The following SDK2 variants were observed in gnomAD, a reference collection of about 807,000 sequenced individuals.
SDK2 encodes the protein protein sidekick-2.
SDK2 carries 105 observed loss-of-function variants against 253.9 expected under a neutral mutation model. The ratio of observed to expected loss-of-function variants is 0.41; its 90% CI spans 0.35 to 0.49. SDK2 has a LOEUF of 0.49. Ranked by LOEUF, SDK2 falls within the 20% of genes least tolerant of loss-of-function variation. The pLI is 0.06. For synonymous variants in SDK2, 1,249 were observed against 1,234.9 expected, an observed-to-expected ratio of 1.01 and a Z score of -0.24; for missense variants, 2,608 against 3,003.0, an observed-to-expected ratio of 0.87 and a Z score of 3.07.
intron 1 of SDK2, among the ~76,000 whole-genome samples, 192 bp from the exon 2 acceptor site, chr17:73,507,789 G>A (rs991067931): frequency 1.3e-5 from 2 of 152,140 alleles, no homozygotes; most frequent in African/African-American, 4.8e-5. Flanking sequence ...GGGAGTCACC[G>A]ACATCTGCCA....
chr17:73,419,020 C>A (rs8072292), intron 16 of SDK2, 146 bp downstream of exon 16: 1 of 846,350 alleles, frequency 1.2e-6, no homozygotes, highest in East Asian at 2.7e-5. Context: ...TCCTTCCTAC[C>A]ACTGAGTAGG....
At chr17:73,375,015 C>T (rs114605774) in intron 36 of SDK2, among the ~76,000 whole-genome samples, 1 of 152,220 alleles carries the variant, frequency 6.6e-6, no homozygotes, top group African/African-American at 2.4e-5. Flanking sequence ...CCCCGAAGGA[C>T]CCCAGGTGCT....
intron 40 of SDK2, among the ~76,000 whole-genome samples, chr17:73,355,170 A>G (rs111979464): frequency 6.0e-4 from 16 of 26,742 alleles, no homozygotes; most frequent in African/African-American, 2.7e-3. Flanking sequence ...ATATATATAT[A>G]TATATTTTTT....
chr17:73,509,178 C>T (rs946673955), intron 1 of SDK2, among the ~76,000 whole-genome samples: 1 of 152,194 alleles, frequency 6.6e-6, no homozygotes, highest in African/African-American at 2.4e-5. Flanking sequence ...CAGCGGCGTG[C>T]GGTGGACAAG....
intron 33 of SDK2, among the ~76,000 whole-genome samples, chr17:73,382,531 C>A (rs1037173781): frequency 6.6e-6 from 1 of 152,188 alleles, no homozygotes; most frequent in Non-Finnish European, 1.5e-5. Context: ...TTTTTTCTTT[C>A]GTTATGTACC....
chr17:73,469,177 T>C (rs2063626373), intron 3 of SDK2, among the ~76,000 whole-genome samples: 3 of 152,164 alleles, frequency 2.0e-5, no homozygotes, highest in Non-Finnish European at 4.4e-5. Flanking sequence ...GCCCCCAGCC[T>C]GCCAACACTG....
chr17:73,515,377 C>G (rs2064017408), intron 1 of SDK2, among the ~76,000 whole-genome samples: 1 of 152,210 alleles, frequency 6.6e-6, no homozygotes, highest in African/African-American at 2.4e-5. Context: ...AAGCAAAGGT[C>G]ACGCAGCATT....
chr17:73,447,999 G>A lies in SDK2; in HGVS notation c.480-251C>T, dbSNP rs1212811536. On this transcript the variant is annotated intron_variant, in intron 4 of 44. Transcript: ENST00000392650. The surrounding 1 kb of genome is among the most constrained non-coding windows in gnomAD (Gnocchi z 4.0). ...GACAGCACGTTCATGCCCAGACGCC[G>A]AGGCCACCCAAAGGAAGCTTCCCTG... Among the ~76,000 whole-genome samples, 11 of 152,028 alleles carry A rather than the reference G, an allele frequency of 7.2e-5. No individual in the cohort carries two copies. Among genetic ancestry groups the A allele is most frequent in the South Asian group, 2.1e-4 (1 of 4,804 alleles).
rs149289239 is a variant in SDK2, at chr17:73,461,389, A to G, written c.332-5336T>C. Reference sequence around the variant, plus strand: ...CAAAAGCAAACGTTTGGTGATGTCTATGACAACTGTCGAAAAGGAGGGAAT... The same window carrying G: ...CAAAAGCAAACGTTTGGTGATGTCTGTGACAACTGTCGAAAAGGAGGGAAT... On this transcript the variant is annotated intron_variant, in intron 3 of 44. Coordinates refer to ENST00000392650, the MANE Select transcript of SDK2 (RefSeq NM_001144952.2). Among the ~76,000 whole-genome samples, 400 of 152,382 alleles carry G rather than the reference A, an allele frequency of 2.6e-3. 2 individuals are homozygous for G. Among genetic ancestry groups the G allele is most frequent in the African/African-American group, 9.1e-3 (379 of 41,592 alleles).
At chr17:73,464,320 A>T (rs2063583369) in intron 3 of SDK2, among the ~76,000 whole-genome samples, 1 of 152,140 alleles carries the variant, frequency 6.6e-6, no homozygotes, top group Admixed American at 6.5e-5. Context: ...ACGAGATCTG[A>T]TGATTTTATG....
intron 3 of SDK2, among the ~76,000 whole-genome samples, chr17:73,469,981 T>C (rs1038461672): frequency 1.5e-5 from 2 of 129,620 alleles, no homozygotes; most frequent in Non-Finnish European, 3.2e-5. Context: ...CATTTGCGAC[T>C]GCGCGCGCGC....
intron 1 of SDK2, among the ~76,000 whole-genome samples, chr17:73,619,111 G>A (rs1007123269): frequency 2.7e-5 from 4 of 150,522 alleles, no homozygotes; most frequent in African/African-American, 9.8e-5. Flanking sequence ...AGGTTGCAAT[G>A]AGCCAAGATT....
At chr17:73,490,192 C>G (rs1361184353) in intron 2 of SDK2, among the ~76,000 whole-genome samples, 1 of 152,224 alleles carries the variant, frequency 6.6e-6, no homozygotes, top group Non-Finnish European at 1.5e-5. Context: ...GCTGCAAGCT[C>G]CACCTGTTTT....
At chr17:73,342,720 G>A (rs2062449749) in intron 44 of SDK2, among the ~76,000 whole-genome samples, 1 of 151,410 alleles carries the variant, frequency 6.6e-6, no homozygotes. Context: ...GTCTCTGGGG[G>A]GAGGAGCTTG....
In SDK2 at chr17:73,511,264, G is replaced by A. The variant is rs1420541102; in HGVS notation, c.65-3667C>T. The stretch of plus-strand genomic sequence containing the variant: ...GGGTGATTAAATCCCTTCCATGTGG[G>A]GCTGACTCAGAGCCAGAACAGTCAG... On this transcript the variant is annotated intron_variant, in intron 1 of 44. Transcript: ENST00000392650. This position sits in a 1 kb window ranked among gnomAD's most constrained non-coding sequence, Gnocchi z 4.9. Among the ~76,000 whole-genome samples the A allele has an allele frequency of 1.3e-5, 2 of 152,178 alleles. No homozygotes were observed. Among genetic ancestry groups the A allele is most frequent in the African/African-American group, 4.8e-5 (2 of 41,442 alleles).
chr17:73,638,922 G>C (rs920857021), intron 1 of SDK2, among the ~76,000 whole-genome samples: 1 of 150,420 alleles, frequency 6.6e-6, no homozygotes, highest in Non-Finnish European at 1.5e-5. Context: ...AGATTCTCCT[G>C]CCTCAGTCTC....
chr17:73,532,962 A>G (rs1218424909), intron 1 of SDK2, among the ~76,000 whole-genome samples: 1 of 152,222 alleles, frequency 6.6e-6, no homozygotes, highest in Non-Finnish European at 1.5e-5. Context: ...AAGGCATTTA[A>G]TAAAGATGAG....
chr17:73,474,834 C>G (rs536131810), intron 2 of SDK2, among the ~76,000 whole-genome samples: 69 of 152,216 alleles, frequency 4.5e-4, no homozygotes, highest in Non-Finnish European at 6.5e-4. Context: ...GAAATGGAAT[C>G]AGATATTATT....
intron 2 of SDK2, among the ~76,000 whole-genome samples, chr17:73,500,526 T>C (rs2063881786): frequency 7.0e-6 from 1 of 141,974 alleles, no homozygotes; most frequent in Non-Finnish European, 1.5e-5. Flanking sequence ...TCCTTCATCC[T>C]CCATCCATCC....
Sources: gnomAD v4.1 joint callset for allele counts (sites outside exome capture counted in the v4.1 genomes callset) on GRCh38, gnomAD v4.1.1 for gene constraint, Gnocchi (gnomAD v3.1) non-coding constraint, MANE v1.5 for transcripts, NCBI Gene and HGNC (gene_info 2026-07-23, HGNC 2026-07-21) for gene names.